The following ABAT variants were observed in gnomAD, a reference collection of about 807,000 sequenced individuals.
ABAT encodes the protein 4-aminobutyrate aminotransferase, also known as 4-aminobutyrate aminotransferase, mitochondrial.
ABAT carries 45 observed loss-of-function variants against 64.6 expected under a neutral mutation model. The ratio of observed to expected loss-of-function variants is 0.70; its 90% CI spans 0.55 to 0.89. ABAT has a LOEUF of 0.89. Among genes scored for constraint, ABAT ranks in the 40% least tolerant of loss-of-function variants. The pLI is 0.00. For synonymous variants in ABAT, 297 were observed against 250.5 expected (o/e 1.19, Z -1.75); for missense variants, 633 against 658.4 (o/e 0.96, Z 0.42).
At chr16:8,691,955 A>G (rs2057593735) in intron 1 of ABAT, among the ~76,000 whole-genome samples, 1 of 152,196 alleles carries the variant, frequency 6.6e-6, no homozygotes, top group Admixed American at 6.5e-5. Flanking sequence ...TACCCCTTCC[A>G]GTGTTTTCAC....
At chr16:8,705,715 A>G (rs1422837009) in intron 1 of ABAT, among the ~76,000 whole-genome samples, 2 of 152,078 alleles carry the variant, frequency 1.3e-5, no homozygotes, top group African/African-American at 4.8e-5. Context: ...GTTTTTTGCT[A>G]GGTTTTAGTT....
intron 1 of ABAT, among the ~76,000 whole-genome samples, chr16:8,726,101 G>A (rs1284824497): frequency 6.6e-6 from 1 of 151,838 alleles, no homozygotes; most frequent in African/African-American, 2.4e-5. Flanking sequence ...CCCAGCCTCT[G>A]GTAACCATCC....
chr16:8,694,432 C>G (rs1343688762), intron 1 of ABAT, among the ~76,000 whole-genome samples: 1 of 152,132 alleles, frequency 6.6e-6, no homozygotes, highest in Non-Finnish European at 1.5e-5. Context: ...CTCTGTCACC[C>G]AGACTGGAGT....
At chr16:8,695,527 C>T (rs534689866) in intron 1 of ABAT, among the ~76,000 whole-genome samples, 3 of 152,306 alleles carry the variant, frequency 2.0e-5, no homozygotes, top group South Asian at 2.1e-4. Flanking sequence ...GAGTTTTGCT[C>T]AACCTTATGT....
chr16:8,729,555 C>T (rs1186726254), intron 1 of ABAT, among the ~76,000 whole-genome samples: 1 of 152,110 alleles, frequency 6.6e-6, no homozygotes, highest in Non-Finnish European at 1.5e-5. Flanking sequence ...CACCATGCCT[C>T]ATGCCTATAA....
intron 2 of ABAT, among the ~76,000 whole-genome samples, chr16:8,743,843 C>T (rs529383584): frequency 6.6e-6 from 1 of 152,072 alleles, no homozygotes; most frequent in South Asian, 2.1e-4. Context: ...GAGGAACTAA[C>T]ATTTCCCAAC....
In ABAT at chr16:8,768,905, C is replaced by G. The variant is rs201397255; in HGVS notation, c.748C>G (p.Arg250Gly). Residue 250 changes from arginine (R) to glycine (G), a missense_variant, in exon 11 of 16, where the codon CGG becomes GGG. Arg to Gly is a moderately radical substitution (Grantham distance 125, BLOSUM62 -2). Coordinates refer to ENST00000268251, the MANE Select transcript of ABAT (RefSeq NM_020686.6). Reference protein sequence around the residue: ...SFDWPIAPFPRLKYPLEEFVK... With the variant: ...SFDWPIAPFPGLKYPLEEFVK... ...TGACTGGCCCATCGCACCGTTCCCACGGCTGAAATACCCTCTGGAAGAGTT... is the reference window on the plus strand; with the variant it reads ...TGACTGGCCCATCGCACCGTTCCCAGGGCTGAAATACCCTCTGGAAGAGTT... 5 of 1,614,154 alleles carry G rather than the reference C, an allele frequency of 3.1e-6. No homozygotes were observed. Among genetic ancestry groups the G allele is most frequent in the East Asian group, 2.2e-5 (1 of 44,872 alleles).
chr16:8,712,458 C>T (rs1867629820), intron 1 of ABAT, among the ~76,000 whole-genome samples: 1 of 152,152 alleles, frequency 6.6e-6, no homozygotes, highest in Non-Finnish European at 1.5e-5. Flanking sequence ...CTTTGCTGTG[C>T]ATTGGAAAGT....
chr16:8,706,086 C>A (rs2057934467), intron 1 of ABAT, among the ~76,000 whole-genome samples: 1 of 152,100 alleles, frequency 6.6e-6, no homozygotes, highest in African/African-American at 2.4e-5. Flanking sequence ...CAGTCCATCT[C>A]TGGGGCTAGC....
intron 1 of ABAT, among the ~76,000 whole-genome samples, chr16:8,705,967 G>A (rs1310048968): frequency 4.6e-5 from 7 of 152,120 alleles, no homozygotes; most frequent in Admixed American, 3.9e-4. Flanking sequence ...TGTCCTTTGA[G>A]GGAGTGACAT....
intron 5 of ABAT, among the ~76,000 whole-genome samples, chr16:8,756,030 C>A (rs7187363): frequency 0.018 from 2,794 of 151,240 alleles, 77 homozygotes; most frequent in African/African-American, 0.065. Flanking sequence ...GCCTGGGCAA[C>A]AGAGCGAGAC....
At chr16:8,758,829 G>A (rs2059716658) in intron 6 of ABAT, among the ~76,000 whole-genome samples, 1 of 152,160 alleles carries the variant, frequency 6.6e-6, no homozygotes, top group South Asian at 2.1e-4. Flanking sequence ...CAGGCACGGT[G>A]GCTCACGCCT....
intron 4 of ABAT, among the ~76,000 whole-genome samples, chr16:8,749,149 G>A (rs1288465240): frequency 1.1e-4 from 16 of 149,112 alleles, no homozygotes; most frequent in African/African-American, 2.7e-4. Flanking sequence ...GTGCAGTGGC[G>A]CAATCTCGGC....
chr16:8,756,151 C>T (rs1029315667), intron 5 of ABAT, among the ~76,000 whole-genome samples: 1 of 152,064 alleles, frequency 6.6e-6, no homozygotes, highest in Non-Finnish European at 1.5e-5. Context: ...ACCTGGGAGG[C>T]AGAGGTCACA....
chr16:8,772,027 A>G (rs2060124122), intron 11 of ABAT, among the ~76,000 whole-genome samples: 2 of 152,098 alleles, frequency 1.3e-5, no homozygotes, highest in African/African-American at 4.8e-5. Flanking sequence ...AGCCACCCAA[A>G]GTGCTGGGAT....
At chr16:8,724,735 AAAAAAAAAAAC>A (rs1342696258) in intron 1 of ABAT, among the ~76,000 whole-genome samples, 4,658 of 12,876 alleles carry the variant, frequency 0.36, 387 homozygotes, top group Middle Eastern at 0.5. Context: ...TCTCAGGAAA[AAAAAAAAAAAC>A]AAAAAAAAAA....
In ABAT at chr16:8,776,378, C is replaced by T. The variant is rs775339966; in HGVS notation, c.1157C>T (p.Pro386Leu). Residue 386 changes from proline to leucine, a missense_variant, in exon 14 of 16, where the codon CCG (proline) becomes CTG (leucine). Coordinates refer to ENST00000268251, the MANE Select transcript of ABAT (RefSeq NM_020686.6). The surrounding 1 kb of genome is among the most constrained non-coding windows in gnomAD (Gnocchi z 4.4). The part of the protein sequence containing the change: ...YRIFNTWLGD[P>L]SKNLLLAEVI... ...ATCTTCAACACCTGGCTGGGGGACC[C>T]GTCCAAGAACCTGTTGCTGGCTGAG... is the stretch of plus-strand genomic sequence containing the variant. 74 of 1,614,072 alleles carry T rather than the reference C, an allele frequency of 4.6e-5. 1 individual carries two copies. The highest frequency in any genetic ancestry group is 1.3e-4 in the Admixed American group (8 of 59,988).
At chr16:8,686,106 C>T (rs1019399742) in intron 1 of ABAT, among the ~76,000 whole-genome samples, 2 of 152,154 alleles carry the variant, frequency 1.3e-5, no homozygotes, top group African/African-American at 4.8e-5. Context: ...AGGCACCACC[C>T]CGGCAGGACA....
At chr16:8,703,786 G>C (rs1047815901) in intron 1 of ABAT, among the ~76,000 whole-genome samples, 9 of 152,218 alleles carry the variant, frequency 5.9e-5, no homozygotes, top group African/African-American at 1.7e-4. Flanking sequence ...CCAGCAAACT[G>C]TTTCTGTAAA....
Sources: allele counts gnomAD v4.1 joint callset (sites outside exome capture counted in the v4.1 genomes callset), GRCh38; gene constraint gnomAD v4.1.1; non-coding constraint Gnocchi (gnomAD v3.1); transcripts MANE v1.5; gene names NCBI Gene and HGNC (gene_info 2026-07-23, HGNC 2026-07-21).